Variants in GRM7 observed in about 807,000 individuals in gnomAD.
GRM7 encodes glutamate metabotropic receptor 7, also known as metabotropic glutamate receptor 7.
In GRM7, 35 loss-of-function variants were observed where a neutral mutation model predicts 84.5. That is an observed-to-expected ratio of 0.41 (90% CI 0.32 to 0.55). GRM7 has a LOEUF of 0.55. Among genes scored for constraint, GRM7 ranks in the 20% least tolerant of loss-of-function variants. GRM7 has a pLI of 0.19. For synonymous variants in GRM7, 487 were observed against 455.1 expected (o/e 1.07, Z -0.89); for missense variants, 1,003 against 1,194.6 (o/e 0.84, Z 2.36).
intron 4 of GRM7, among the ~76,000 whole-genome samples, chr3:7,353,048 A>C (rs1163886183): frequency 6.6e-6 from 1 of 152,090 alleles, no homozygotes; most frequent in Non-Finnish European, 1.5e-5. Flanking sequence ...TCTTTAGCAC[A>C]TACTTAGCAG....
At chr3:7,636,842 C>G (rs1483333100) in intron 8 of GRM7, among the ~76,000 whole-genome samples, 1 of 152,168 alleles carries the variant, frequency 6.6e-6, no homozygotes, top group Admixed American at 6.5e-5. Flanking sequence ...CAAGCCCCAT[C>G]TCGTGTTGCA....
In GRM7 at chr3:7,043,814, A is replaced by G. The variant is rs376214101; in HGVS notation, c.520-102638A>G. On this transcript the variant is annotated intron_variant, in intron 1 of 9. Transcript: ENST00000357716. Reference sequence around the variant, plus strand: ...TTCAGTAGTTCTGCAGTTGGTTTTCAGAATTCAAATACAAGCCTTGACTTC... The same window carrying G: ...TTCAGTAGTTCTGCAGTTGGTTTTCGGAATTCAAATACAAGCCTTGACTTC... Among the ~76,000 whole-genome samples the G allele has an allele frequency of 5.5e-4, 83 of 152,272 alleles. 1 individual carries two copies. The highest frequency in any genetic ancestry group is 1.9e-3 in the African/African-American group (77 of 41,564).
chr3:7,137,908 T>C (rs1224530395), intron 1 of GRM7, among the ~76,000 whole-genome samples: 1 of 152,030 alleles, frequency 6.6e-6, no homozygotes, highest in Non-Finnish European at 1.5e-5. Flanking sequence ...AGAAATAACA[T>C]AGTAACTTGA....
At chr3:7,408,001 G>A (rs889210746) in intron 4 of GRM7, among the ~76,000 whole-genome samples, 1 of 152,050 alleles carries the variant, frequency 6.6e-6, no homozygotes, top group Non-Finnish European at 1.5e-5. Context: ...TAGCACATCC[G>A]ATAGTTAGAA....
intron 7 of GRM7, among the ~76,000 whole-genome samples, chr3:7,529,715 T>C (rs1427516453): frequency 6.6e-6 from 1 of 152,020 alleles, no homozygotes; most frequent in Non-Finnish European, 1.5e-5. Context: ...GTTTTTATTG[T>C]TTCTACTCTC....
chr3:7,581,953 T>C (rs1183935365), intron 8 of GRM7, among the ~76,000 whole-genome samples: 1 of 152,198 alleles, frequency 6.6e-6, no homozygotes, highest in East Asian at 1.9e-4. Flanking sequence ...TTTATCATTG[T>C]TAATCCCATG....
intron 2 of GRM7, among the ~76,000 whole-genome samples, chr3:7,164,450 T>C (rs1171808277): frequency 2.0e-5 from 3 of 152,212 alleles, no homozygotes; most frequent in Non-Finnish European, 4.4e-5. Context: ...GAACAAAGAA[T>C]GCTAAGACTT....
chr3:7,116,508 A>G (rs1693038991), intron 1 of GRM7, among the ~76,000 whole-genome samples: 1 of 152,156 alleles, frequency 6.6e-6, no homozygotes, highest in Non-Finnish European at 1.5e-5. Context: ...CCACAGTCAC[A>G]TACTGTCTGT....
In GRM7 at chr3:7,618,061, T is replaced by C. The variant is rs192102746; in HGVS notation, c.2451+38704T>C. Reference sequence around the variant, plus strand: ...TAGAAATACCTATAGCACAGAATTATTGAAGATAAGAGCTAACAAGGCTTA... The same window carrying C: ...TAGAAATACCTATAGCACAGAATTACTGAAGATAAGAGCTAACAAGGCTTA... On this transcript the variant is annotated intron_variant, in intron 8 of 9. Coordinates refer to ENST00000357716, the MANE Select transcript of GRM7 (RefSeq NM_000844.4). Among the ~76,000 whole-genome samples the C allele has an allele frequency of 3.5e-4, 53 of 152,232 alleles. 1 individual carries two copies. The highest frequency in any genetic ancestry group is 1.1e-3 in the Admixed American group (17 of 15,268).
At chr3:7,068,134 G>A (rs924438614) in intron 1 of GRM7, among the ~76,000 whole-genome samples, 1 of 151,926 alleles carries the variant, frequency 6.6e-6, no homozygotes, top group African/African-American at 2.4e-5. Context: ...GCATGGAAAT[G>A]AAAAATAGAC....
At chr3:7,406,108 A>G (rs932617758) in intron 4 of GRM7, among the ~76,000 whole-genome samples, 1 of 152,088 alleles carries the variant, frequency 6.6e-6, no homozygotes, top group Non-Finnish European at 1.5e-5. Flanking sequence ...CTACTTCAAC[A>G]CATGTATTTA....
At chr3:7,574,634 T>C (rs1191435406) in intron 7 of GRM7, among the ~76,000 whole-genome samples, 3 of 152,220 alleles carry the variant, frequency 2.0e-5, no homozygotes, top group Admixed American at 6.5e-5. Flanking sequence ...CTGACGTACT[T>C]GCATCCTTGA....
chr3:6,908,806 G>A (rs1466514047), intron 1 of GRM7, among the ~76,000 whole-genome samples: 1 of 152,056 alleles, frequency 6.6e-6, no homozygotes, highest in Non-Finnish European at 1.5e-5. Flanking sequence ...GTTCCTATTA[G>A]AACTAGCAAG....
chr3:7,187,289 T>A (rs62234889), intron 2 of GRM7, among the ~76,000 whole-genome samples: 38,382 of 152,132 alleles, frequency 0.25, 5,610 homozygotes, highest in Non-Finnish European at 0.34. Context: ...AAAAATGTCA[T>A]GAGACACAAT....
At chr3:7,044,023 C>A (rs554487488) in intron 1 of GRM7, among the ~76,000 whole-genome samples, 3 of 152,310 alleles carry the variant, frequency 2.0e-5, no homozygotes, top group Admixed American at 6.5e-5. Flanking sequence ...ATCTCATTAA[C>A]TTTAGCTCAT....
rs1553618268 is a variant in GRM7 at position 7,572,879 on chromosome 3, T to TAA, written c.1516-5541_1516-5540dup. 1.3e-3 allele frequency among the ~76,000 whole-genome samples: 83 copies of TAA among 66,148 alleles called. 6 individuals are homozygous for TAA. The highest frequency in any genetic ancestry group is 1.5e-3 in the Non-Finnish European group (45 of 29,612). 43.4% of individuals were successfully genotyped at this position (66,148 alleles called of 152,430 possible). A position where few individuals can be genotyped will look rare whatever the true frequency, so the allele number is the denominator to read the frequency against. On this transcript the variant is annotated intron_variant, in intron 7 of 9. Transcript: ENST00000357716. The stretch of plus-strand genomic sequence containing the variant: ...ATATATATATATATATATATATATA[T>TAA]AAATAATCTTTCTACCTATAATAAT...
chr3:7,386,089 A>T (rs1694776046), intron 4 of GRM7, among the ~76,000 whole-genome samples: 1 of 152,162 alleles, frequency 6.6e-6, no homozygotes, highest in South Asian at 2.1e-4. Context: ...CAAAACATGG[A>T]GCTGATTACC....
At chr3:7,384,699 C>T (rs1417191158) in intron 4 of GRM7, among the ~76,000 whole-genome samples, 1 of 152,122 alleles carries the variant, frequency 6.6e-6, no homozygotes, top group Non-Finnish European at 1.5e-5. Flanking sequence ...AGACACGTTT[C>T]AGTTGTTCAA....
intron 8 of GRM7, among the ~76,000 whole-genome samples, chr3:7,596,699 A>T (rs751780363): frequency 3.3e-5 from 5 of 152,076 alleles, no homozygotes; most frequent in Non-Finnish European, 7.3e-5. Flanking sequence ...AAAATTCAAG[A>T]GTGATTTGAT....
Sources: allele counts gnomAD v4.1 joint callset (sites outside exome capture counted in the v4.1 genomes callset), GRCh38; gene constraint gnomAD v4.1.1; transcripts MANE v1.5; gene names NCBI Gene and HGNC (gene_info 2026-07-23, HGNC 2026-07-21).